The following COLEC10 variants were observed in gnomAD, a reference collection of about 807,000 sequenced individuals.
The protein encoded by COLEC10 is collectin subfamily member 10.
COLEC10 carries 22 observed loss-of-function variants against 28.4 expected under a neutral mutation model. The ratio of observed to expected loss-of-function variants is 0.78; its 90% CI spans 0.55 to 1.11. The LOEUF (loss-of-function observed/expected upper bound fraction) is 1.11, where lower values mean the gene tolerates loss of function less well. Ranked by LOEUF, COLEC10 falls within the 50% of genes least tolerant of loss-of-function variation. The pLI is 0.00. For synonymous variants in COLEC10, 125 were observed against 116.1 expected (o/e 1.08, Z -0.49); for missense variants, 361 against 344.1 (o/e 1.05, Z -0.39).
chr8:118,958,804 A>G, the COLEC10 span, among the ~76,000 whole-genome samples: 2 of 152,220 alleles, frequency 1.3e-5, no homozygotes, highest in African/African-American at 2.4e-5. Flanking sequence ...CACGATGCCA[A>G]TTCTGAATTT....
At chr8:118,953,621 A>C in the COLEC10 span, among the ~76,000 whole-genome samples, 2 of 152,328 alleles carry the variant, frequency 1.3e-5, no homozygotes, top group East Asian at 3.9e-4. Flanking sequence ...GCAGAAACGT[A>C]AGAGAAAGCA....
At chr8:119,010,488 G>A (rs570660007) in intron 2 of COLEC10, among the ~76,000 whole-genome samples, 1 of 150,930 alleles carries the variant, frequency 6.6e-6, no homozygotes, top group East Asian at 1.9e-4. Flanking sequence ...GCAAGTTTTT[G>A]TATAGATATA....
In COLEC10 at chr8:119,076,067, A is replaced by AT. The variant is rs11330366; in HGVS notation, c.148+8662dup. ...AGGCACCCACCACCACGCCCGGCTA[A>AT]TTTTTTTTTTTTTTTTTTTTTTTTA... is the stretch of plus-strand genomic sequence containing the variant. On this transcript the variant is annotated intron_variant, in intron 1 of 5. Coordinates refer to ENST00000332843, the MANE Select transcript of COLEC10 (RefSeq NM_006438.5). 1.7e-3 allele frequency among the ~76,000 whole-genome samples: 155 copies of AT among 90,078 alleles called. 1 individual carries two copies. Among genetic ancestry groups the AT allele is most frequent in the East Asian group, 0.015 (50 of 3,232 alleles). 59.1% of individuals were successfully genotyped at this position (90,078 alleles called of 152,430 possible).
chr8:119,006,389 T>C (rs1190498705), intron 1 of COLEC10, among the ~76,000 whole-genome samples: 1 of 152,080 alleles, frequency 6.6e-6, no homozygotes, highest in Non-Finnish European at 1.5e-5. Flanking sequence ...TCCTTTCCTG[T>C]TTCATTTTCC....
intron 1 of COLEC10, among the ~76,000 whole-genome samples, chr8:119,069,189 C>G (rs1815036670): frequency 6.6e-6 from 1 of 152,060 alleles, no homozygotes; most frequent in East Asian, 1.9e-4. Flanking sequence ...AAATTTCCTA[C>G]ACACCTAAAT....
chr8:119,013,382 TG>T (rs1370431746), intron 2 of COLEC10, among the ~76,000 whole-genome samples: 3 of 150,716 alleles, frequency 2.0e-5, no homozygotes, highest in Non-Finnish European at 2.9e-5. Flanking sequence ...TGGCACAGAA[TG>T]AAGTTTATCT....
At chr8:119,101,124 GT>G (rs1745698327) in intron 3 of COLEC10, among the ~76,000 whole-genome samples, 1 of 152,102 alleles carries the variant, frequency 6.6e-6, no homozygotes, top group South Asian at 2.1e-4. Flanking sequence ...CTGGTGAACG[GT>G]GAGGCTTGGC....
At chr8:118,972,469 C>T in the COLEC10 span, among the ~76,000 whole-genome samples, 2,370 of 152,000 alleles carry the variant, frequency 0.016, 64 homozygotes, top group African/African-American at 0.054. Context: ...TCCACCTGAA[C>T]TCTAAATGTA....
chr8:119,097,890 T>A (rs1418024566), intron 3 of COLEC10, among the ~76,000 whole-genome samples: 1 of 152,074 alleles, frequency 6.6e-6, no homozygotes, highest in East Asian at 1.9e-4. Flanking sequence ...TAAGTAACAT[T>A]TTTTAATTGC....
chr8:118,957,280 C>A, the COLEC10 span, among the ~76,000 whole-genome samples: 1 of 152,150 alleles, frequency 6.6e-6, no homozygotes, highest in Non-Finnish European at 1.5e-5. Context: ...ACCAACTAAA[C>A]CTAGAAATAA....
At chr8:118,960,060 C>T in the COLEC10 span, among the ~76,000 whole-genome samples, 205 of 152,214 alleles carry the variant, frequency 1.3e-3, 1 homozygote, top group Non-Finnish European at 2.1e-3. Context: ...ATTAGCAGTG[C>T]TTTGAGAGGC....
intron 1 of COLEC10, among the ~76,000 whole-genome samples, chr8:119,073,840 A>T (rs1424492608): frequency 6.6e-6 from 1 of 152,026 alleles, no homozygotes; most frequent in Non-Finnish European, 1.5e-5. Context: ...ACTAGTAGAG[A>T]TCATAGTAAT....
upstream of COLEC10, among the ~76,000 whole-genome samples, chr8:118,992,906 T>C (rs1397643476): frequency 6.6e-6 from 1 of 152,198 alleles, no homozygotes; most frequent in Non-Finnish European, 1.5e-5. Context: ...GTCCCAGTAT[T>C]ATCATTATGA....
chr8:118,983,545 A>C, the COLEC10 span, among the ~76,000 whole-genome samples: 1 of 152,152 alleles, frequency 6.6e-6, no homozygotes, highest in Non-Finnish European at 1.5e-5. Context: ...TTGAAGTCCT[A>C]ACCCCTGGAA....
At chr8:119,009,712 G>A (rs1813870703) in intron 2 of COLEC10, among the ~76,000 whole-genome samples, 1 of 150,650 alleles carries the variant, frequency 6.6e-6, no homozygotes, top group South Asian at 2.1e-4. Flanking sequence ...TTGGGAGACT[G>A]GGTAAATCAC....
At chr8:119,090,208 C>T (rs188287192) in intron 2 of COLEC10, among the ~76,000 whole-genome samples, 253 of 152,238 alleles carry the variant, frequency 1.7e-3, no homozygotes, top group Non-Finnish European at 3.0e-3. Flanking sequence ...TTAATTCCCT[C>T]CTTTGTTATA....
chr8:118,987,972 A>C, the COLEC10 span, among the ~76,000 whole-genome samples: 1 of 152,130 alleles, frequency 6.6e-6, no homozygotes, highest in Non-Finnish European at 1.5e-5. Context: ...CTAAAAATCA[A>C]CGCATGTTTG....
chr8:119,094,222 T>G (rs1055897523), intron 3 of COLEC10, among the ~76,000 whole-genome samples: 1 of 152,076 alleles, frequency 6.6e-6, no homozygotes, highest in Admixed American at 6.6e-5. Flanking sequence ...AAGCAATGTT[T>G]GAAATATACA....
At position 119,102,353 on chromosome 8, in the gene COLEC10, A is replaced by G; in HGVS notation, c.298A>G (p.Lys100Glu). The change falls in exon 4 of 6, where the codon AAA (lysine) becomes GAA (glutamate). Residue 100 changes from lysine to glutamate, a missense_variant. By Grantham distance (56) the Lys-to-Glu change is moderately conservative. Around this residue, in one of 3 missense-constraint regions of COLEC10, gnomAD observed 335 missense variants for 308.5 expected, o/e 1.09. Coordinates refer to ENST00000332843, the MANE Select transcript of COLEC10 (RefSeq NM_006438.5). ...TTGCTATTGTTTTTTTTCAGGTGAC[A>G]AAGGGGAAAAAGGTTTGCTTGGAAT... ...KTGPIGKKGD[K>E]GEKGLLGIPG... The G allele has an allele frequency of 6.3e-7, 1 of 1,597,290 alleles. No homozygotes were observed. The highest frequency in any genetic ancestry group is 1.1e-5 in the South Asian group (1 of 88,170).
Sources: gnomAD v4.1 joint callset for allele counts (sites outside exome capture counted in the v4.1 genomes callset) on GRCh38, gnomAD v4.1.1 for gene constraint, gnomAD v4.1.1 regional missense constraint, MANE v1.5 for transcripts, NCBI Gene and HGNC (gene_info 2026-07-23, HGNC 2026-07-21) for gene names.